PEX14: variants seen among roughly 807,000 people sequenced by gnomAD.
PEX14 encodes peroxisomal biogenesis factor 14, also known as peroxisomal membrane protein PEX14.
Under a neutral mutation model 49.5 loss-of-function variants are expected in PEX14, and 15 were observed. The observed-to-expected ratio is 0.30, with a 90% CI of 0.20 to 0.47. The LOEUF is 0.47. Ranked by LOEUF, PEX14 falls within the 20% of genes least tolerant of loss-of-function variation. PEX14 has a pLI of 1.00. For missense variants in PEX14, 398 were observed against 494.8 expected (o/e 0.80, Z 1.86); for synonymous variants, 210 against 212.7 (o/e 0.99, Z 0.11).
chr1:10,506,154 T>C (rs541242334), intron 2 of PEX14, among the ~76,000 whole-genome samples: 6 of 152,328 alleles, frequency 3.9e-5, no homozygotes, highest in African/African-American at 1.4e-4. Flanking sequence ...AGCCAGTCTC[T>C]CCCACACTCA....
chr1:10,475,751 G>C (rs1305143794), intron 1 of PEX14, among the ~76,000 whole-genome samples: 1 of 152,194 alleles, frequency 6.6e-6, no homozygotes, highest in Non-Finnish European at 1.5e-5. Context: ...GTCTCCGAAG[G>C]GGTTTATAGT....
At chr1:10,558,711 T>C (rs1639564134) in intron 3 of PEX14, among the ~76,000 whole-genome samples, 1 of 141,270 alleles carries the variant, frequency 7.1e-6, no homozygotes, top group Non-Finnish European at 1.5e-5. Flanking sequence ...CACTCCAGTC[T>C]GGGCGACAGA....
chr1:10,625,482 A>G (rs1433641516), intron 7 of PEX14, among the ~76,000 whole-genome samples: 5 of 152,230 alleles, frequency 3.3e-5, no homozygotes, highest in Admixed American at 2.6e-4. Context: ...CATGAAAATG[A>G]CAATCTTTCC....
intron 2 of PEX14, among the ~76,000 whole-genome samples, chr1:10,499,816 T>C (rs1186314663): frequency 6.6e-6 from 1 of 152,152 alleles, no homozygotes; most frequent in Non-Finnish European, 1.5e-5. Flanking sequence ...GGGATTACTA[T>C]TTTTTAGTAT....
At chr1:10,581,524 TTGA>T (rs1640319422) in intron 3 of PEX14, among the ~76,000 whole-genome samples, 1 of 151,602 alleles carries the variant, frequency 6.6e-6, no homozygotes, top group Admixed American at 6.6e-5. Flanking sequence ...CAGGCTGATC[TTGA>T]ACTCCTGACC....
chr1:10,602,422 T>TA lies in PEX14; in HGVS notation c.298+3069dup, dbSNP rs78738767. 5.8e-3 allele frequency among the ~76,000 whole-genome samples: 801 copies of TA among 137,404 alleles called. 6 individuals are homozygous for TA. The highest frequency in any genetic ancestry group is 0.018 in the African/African-American group (685 of 37,380). The allele number at this position is 137,404 out of a possible 152,430, so 90.1% of individuals were successfully genotyped here. A position where few individuals can be genotyped will look rare whatever the true frequency, so the allele number is the denominator to read the frequency against. Reference sequence around the variant, plus strand: ...TTTGCCAAGAGGTGTCAAAACTGCTTAAAAAAAAAAAAAGCTTGATTTTGA... The same window carrying TA: ...TTTGCCAAGAGGTGTCAAAACTGCTTAAAAAAAAAAAAAAGCTTGATTTTGA... On this transcript the variant is annotated intron_variant, in intron 4 of 8. Transcript: ENST00000356607.
chr1:10,531,284 A>G (rs1212676346), intron 2 of PEX14, among the ~76,000 whole-genome samples: 1 of 152,208 alleles, frequency 6.6e-6, no homozygotes, highest in Non-Finnish European at 1.5e-5. Flanking sequence ...CTGCTTTGCA[A>G]CTATTTCCCT....
At chr1:10,592,660 A>G (rs1405971299) in intron 3 of PEX14, among the ~76,000 whole-genome samples, 2 of 152,224 alleles carry the variant, frequency 1.3e-5, no homozygotes, top group South Asian at 2.1e-4. Context: ...TTAGGGCTCC[A>G]AGGGAGTACG....
intron 1 of PEX14, among the ~76,000 whole-genome samples, chr1:10,487,378 A>G (rs1641388425): frequency 7.6e-6 from 1 of 131,472 alleles, no homozygotes; most frequent in Non-Finnish European, 1.6e-5. Flanking sequence ...GATTGCCATT[A>G]TTTCTTCCTT....
chr1:10,541,407 G>A (rs1433527068), intron 3 of PEX14, among the ~76,000 whole-genome samples: 1 of 152,232 alleles, frequency 6.6e-6, no homozygotes, highest in Non-Finnish European at 1.5e-5. Context: ...GGAGAGGCCC[G>A]CCTGCAGCAG....
At chr1:10,540,075 A>G (rs1638956705) in intron 3 of PEX14, among the ~76,000 whole-genome samples, 1 of 152,178 alleles carries the variant, frequency 6.6e-6, no homozygotes, top group African/African-American at 2.4e-5. Flanking sequence ...GGGTAGGCAA[A>G]TGAAACAAAT....
chr1:10,587,777 C>A (rs1334778002), intron 3 of PEX14, among the ~76,000 whole-genome samples: 1 of 151,478 alleles, frequency 6.6e-6, no homozygotes, highest in Non-Finnish European at 1.5e-5. Context: ...TCTGTAGATA[C>A]TAATATGGAG....
At chr1:10,546,870 A>G (rs1382844913) in intron 3 of PEX14, among the ~76,000 whole-genome samples, 1 of 152,100 alleles carries the variant, frequency 6.6e-6, no homozygotes, top group Non-Finnish European at 1.5e-5. Context: ...CTCCATCTCA[A>G]AAAAAAACAA....
At chr1:10,568,570 A>G (rs1639881012) in intron 3 of PEX14, among the ~76,000 whole-genome samples, 1 of 152,012 alleles carries the variant, frequency 6.6e-6, no homozygotes, top group Non-Finnish European at 1.5e-5. Flanking sequence ...GTATTTTTTA[A>G]ATGTGCTAGA....
At chr1:10,499,076 G>A (rs1310091663) in intron 2 of PEX14, among the ~76,000 whole-genome samples, 2 of 152,156 alleles carry the variant, frequency 1.3e-5, no homozygotes, top group Non-Finnish European at 2.9e-5. Flanking sequence ...ATGTGCATGG[G>A]GTAATTCAGT....
intron 2 of PEX14, among the ~76,000 whole-genome samples, chr1:10,499,445 ATTTTT>A (rs34771798): frequency 2.0e-5 from 2 of 101,422 alleles, no homozygotes; most frequent in African/African-American, 3.4e-5. Context: ...CCAAAGAACA[ATTTTT>A]TTTTTTTTTT....
At chr1:10,559,608 G>A (rs916026571) in intron 3 of PEX14, among the ~76,000 whole-genome samples, 5 of 152,220 alleles carry the variant, frequency 3.3e-5, no homozygotes, top group Middle Eastern at 3.4e-3. Flanking sequence ...CAACACCACG[G>A]CAGCCTCCCC....
intron 3 of PEX14, among the ~76,000 whole-genome samples, chr1:10,537,597 G>T (rs1638857681): frequency 2.0e-5 from 3 of 152,100 alleles, no homozygotes; most frequent in African/African-American, 7.2e-5. Flanking sequence ...GAGATCCTTA[G>T]CTCCAGTATA....
At chr1:10,561,712 C>T (rs1639657562) in intron 3 of PEX14, among the ~76,000 whole-genome samples, 1 of 152,196 alleles carries the variant, frequency 6.6e-6, no homozygotes, top group Non-Finnish European at 1.5e-5. Context: ...GCCTTTCATT[C>T]AGTGGTTTTA....
Sources: gnomAD v4.1 joint callset for allele counts (sites outside exome capture counted in the v4.1 genomes callset) on GRCh38, gnomAD v4.1.1 for gene constraint, MANE v1.5 for transcripts, NCBI Gene and HGNC (gene_info 2026-07-23, HGNC 2026-07-21) for gene names.